Variants in MBP observed in about 807,000 individuals in gnomAD.
MBP encodes Golli-MBP.
A neutral mutation model predicts 35.8 loss-of-function variants in MBP; 16 were observed. That is an observed-to-expected ratio of 0.45 (90% CI 0.30 to 0.68). MBP has a LOEUF of 0.68. Ranked by LOEUF, MBP falls within the 30% of genes least tolerant of loss-of-function variation. The pLI, the probability that MBP is intolerant of heterozygous loss-of-function variation, is 0.08. For missense variants in MBP, 380 were observed against 404.7 expected (o/e 0.94, Z 0.52); for synonymous variants, 143 against 159.6 (o/e 0.90, Z 0.78).
chr18:77,016,337 G>A, intron 4 of MBP: 1 of 987,872 alleles, frequency 1.0e-6, no homozygotes, highest in Non-Finnish European at 1.2e-6. Context: ...GATTTAAATT[G>A]AGGAGTTTGT....
intron 4 of MBP, among the ~76,000 whole-genome samples, chr18:76,992,767 C>A (rs1292558992): frequency 6.6e-6 from 1 of 152,198 alleles, no homozygotes; most frequent in African/African-American, 2.4e-5. Flanking sequence ...GGGCCCTTCC[C>A]TCTGGCTGCA....
chr18:77,034,341 G>A (rs570691371), intron 3 of MBP, among the ~76,000 whole-genome samples: 2 of 152,174 alleles, frequency 1.3e-5, no homozygotes, highest in Admixed American at 1.3e-4. Context: ...GGGTGAGCTG[G>A]GGAGTGGGTT....
chr18:77,063,766 A>G (rs1179000137), intron 3 of MBP, among the ~76,000 whole-genome samples: 1 of 152,170 alleles, frequency 6.6e-6, no homozygotes, highest in African/African-American at 2.4e-5. Context: ...TATCTCTTGG[A>G]AAAGATTAAG....
intron 2 of MBP, among the ~76,000 whole-genome samples, chr18:77,082,765 A>C (rs202224454): frequency 9.9e-3 from 236 of 23,850 alleles, no homozygotes; most frequent in East Asian, 0.053. Context: ...CAGCAGCTGG[A>C]CCAGGTGGTC....
chr18:77,070,148 G>A (rs765728318), intron 2 of MBP, among the ~76,000 whole-genome samples: 11 of 152,126 alleles, frequency 7.2e-5, no homozygotes, highest in Non-Finnish European at 1.6e-4. Context: ...GGTGATTTTC[G>A]TGATGATAAA....
chr18:76,989,916 C>A lies in MBP; in HGVS notation c.681+40G>T, dbSNP rs752163545. 36 of 1,530,100 alleles carry A rather than the reference C, an allele frequency of 2.4e-5. No homozygotes were observed. The highest frequency in any genetic ancestry group is 3.0e-5 in the Non-Finnish European group (33 of 1,105,758). 94.8% of individuals were successfully genotyped at this position (1,530,100 alleles called of 1,614,324 possible). A position where few individuals can be genotyped will look rare whatever the true frequency, so the allele number is the denominator to read the frequency against. On this transcript the variant is annotated intron_variant, in intron 5 of 8. Transcript: ENST00000355994. This position sits in a 1 kb window ranked among gnomAD's most constrained non-coding sequence, Gnocchi z 4.0. ...CAGCAGTGGCCAGCACCCCTCCTCC[C>A]CCTCACAGTTGCTACCTCTTCCCAT...
At chr18:77,065,699 G>A (rs1974165069) in intron 3 of MBP, 1 of 152,350 alleles carries the variant, frequency 6.6e-6, no homozygotes, top group Non-Finnish European at 1.5e-5. Flanking sequence ...GCTCACACAG[G>A]GCTGGACAAA....
chr18:77,066,994 C>G (rs1974226651), intron 2 of MBP, among the ~76,000 whole-genome samples: 1 of 152,222 alleles, frequency 6.6e-6, no homozygotes. Context: ...TCGTTTGGGG[C>G]CCGAATGGCA....
At chr18:77,079,923 G>A (rs1040989699) in intron 2 of MBP, among the ~76,000 whole-genome samples, 9 of 152,152 alleles carry the variant, frequency 5.9e-5, no homozygotes, top group Admixed American at 1.3e-4. Flanking sequence ...AACTCTCTCC[G>A]GGATTGAACG....
intron 4 of MBP, among the ~76,000 whole-genome samples, chr18:76,999,238 A>T (rs1349229528): frequency 2.6e-5 from 4 of 152,082 alleles, no homozygotes; most frequent in African/African-American, 9.7e-5. Context: ...CAGACCAGCC[A>T]TGGGGGACGC....
rs560727866 is a variant in MBP, at chr18:76,988,773, G to C, written c.717+104C>G. On this transcript the variant is annotated intron_variant, in intron 6 of 8. Transcript: ENST00000355994. The surrounding 1 kb of genome is among the most constrained non-coding windows in gnomAD (Gnocchi z 5.2). ...CTGCCTGGCAACACGTTTTGGGATGGATTCTGGTAGCTCGGAGCCTAACTC... is the reference window on the plus strand; with the variant it reads ...CTGCCTGGCAACACGTTTTGGGATGCATTCTGGTAGCTCGGAGCCTAACTC... 20 of 1,421,240 alleles carry C rather than the reference G, an allele frequency of 1.4e-5. No individual in the cohort carries two copies. The highest frequency in any genetic ancestry group is 6.4e-5 in the South Asian group (5 of 77,604). The allele number at this position is 1,421,240 out of a possible 1,614,324, so 88.0% of individuals were successfully genotyped here.
intron 3 of MBP, among the ~76,000 whole-genome samples, chr18:77,030,096 A>G (rs1003967656): frequency 6.6e-6 from 1 of 152,088 alleles, no homozygotes; most frequent in Non-Finnish European, 1.5e-5. Flanking sequence ...AATACAAGCA[A>G]CTGGAAAGGA....
At chr18:76,985,929 G>A (rs1388061922) in intron 7 of MBP, 14 of 986,144 alleles carry the variant, frequency 1.4e-5, no homozygotes, top group South Asian at 4.7e-5. Context: ...CTCATGGGCC[G>A]TGTGACCGCA....
chr18:77,034,953 A>G lies in MBP; in HGVS notation c.140-17685T>C, dbSNP rs1401980080. On this transcript the variant is annotated intron_variant, in intron 3 of 8. Transcript: ENST00000355994. The stretch of plus-strand genomic sequence containing the variant: ...ATGATGTCAAAAGCTGGTCTTTGAA[A>G]AAGCACTGCTCCGTGGCTAAACTGC... Among the ~76,000 whole-genome samples, 3 of 152,190 alleles carry G rather than the reference A, an allele frequency of 2.0e-5. No individual in the cohort carries two copies. The East Asian group carries it at 5.8e-4, about 29-fold the overall frequency.
At chr18:77,058,531 G>T (rs911831913) in intron 3 of MBP, among the ~76,000 whole-genome samples, 7 of 152,218 alleles carry the variant, frequency 4.6e-5, no homozygotes, top group African/African-American at 1.7e-4. Context: ...CGCCCACAGG[G>T]GACGAGCTGT....
intron 3 of MBP, among the ~76,000 whole-genome samples, chr18:77,051,527 C>A (rs2144697520): frequency 6.6e-6 from 1 of 152,296 alleles, no homozygotes; most frequent in Non-Finnish European, 1.5e-5. Context: ...AGGTCAGGAT[C>A]TAAATGCCTC....
At position 77,064,715 on chromosome 18, in the gene MBP, C is replaced by A. The variant is rs372667676; in HGVS notation, c.139+1583G>T. Among the ~76,000 whole-genome samples, 3 of 152,292 alleles carry A rather than the reference C, an allele frequency of 2.0e-5. No homozygotes were observed. The East Asian group carries it at 5.8e-4, about 29-fold the overall frequency. On this transcript the variant is annotated intron_variant, in intron 3 of 8. Coordinates refer to ENST00000355994, the MANE Select transcript of MBP (RefSeq NM_001025101.2). ...CTAACAGCTGAAATATAAAGAAAGGCCTTTCCATAAATAAGCAAAGATCAT... is the reference window on the plus strand; with the variant it reads ...CTAACAGCTGAAATATAAAGAAAGGACTTTCCATAAATAAGCAAAGATCAT...
Position 77,131,079 on chromosome 18 carries a change from GCACGCGCACACACACACACACA to G in MBP, c.-26+1479_-26+1500del, listed in dbSNP as rs1401378633. 3.2e-3 allele frequency among the ~76,000 whole-genome samples: 125 copies of G among 39,082 alleles called. No homozygotes were observed. The highest frequency in any genetic ancestry group is 0.025 in the Middle Eastern group (1 of 40). 25.6% of individuals were successfully genotyped at this position (39,082 alleles called of 152,430 possible). A position where few individuals can be genotyped will look rare whatever the true frequency, so the allele number is the denominator to read the frequency against. ...AAACAAAACACACACACGCGCGCACGCACGCGCACACACACACACACACACACACACACACACACACCCCCTC... is the reference window on the plus strand; with the variant it reads ...AAACAAAACACACACACGCGCGCACGCACACACACACACACACACCCCCTC... On this transcript the variant is annotated intron_variant, in intron 1 of 8. Coordinates refer to ENST00000355994, the MANE Select transcript of MBP (RefSeq NM_001025101.2). The surrounding 1 kb of genome is among the most constrained non-coding windows in gnomAD (Gnocchi z 5.5).
At chr18:77,029,376 G>C (rs1209369737) in intron 3 of MBP, among the ~76,000 whole-genome samples, 67 of 143,740 alleles carry the variant, frequency 4.7e-4, no homozygotes, top group South Asian at 1.4e-3. Context: ...GTCCAGCTTC[G>C]GCTCGGCATC....
Sources: allele counts gnomAD v4.1 joint callset (sites outside exome capture counted in the v4.1 genomes callset), GRCh38; gene constraint gnomAD v4.1.1; non-coding constraint Gnocchi (gnomAD v3.1); transcripts MANE v1.5; gene names NCBI Gene and HGNC (gene_info 2026-07-23, HGNC 2026-07-21).